Variants in ANKFY1 observed in about 807,000 individuals in gnomAD.
The protein encoded by ANKFY1 is ankyrin repeat and FYVE domain-containing protein 1.
Under a neutral mutation model 128.3 loss-of-function variants are expected in ANKFY1, and 47 were observed. That is an observed-to-expected ratio of 0.37 (90% CI 0.29 to 0.47). The LOEUF (loss-of-function observed/expected upper bound fraction) is 0.47. Ranked by LOEUF, ANKFY1 falls within the 20% of genes least tolerant of loss-of-function variation. The probability of loss-of-function intolerance (pLI) is 1.00; values close to 1 mark genes in which losing one functional copy is unlikely to be tolerated. For missense variants in ANKFY1, 1,222 were observed against 1,510.6 expected (o/e 0.81, Z 3.17); for synonymous variants, 553 against 601.6 (o/e 0.92, Z 1.18).
chr17:4,207,463 A>G (rs149750741), intron 6 of ANKFY1, among the ~76,000 whole-genome samples: 27 of 152,274 alleles, frequency 1.8e-4, no homozygotes, highest in Non-Finnish European at 3.8e-4. Flanking sequence ...TCTGCCAAAG[A>G]TCCAAATAAG....
Position 4,260,487 on chromosome 17 carries a change from G to A in ANKFY1, c.10+3445C>T, listed in dbSNP as rs565316795. On this transcript the variant is annotated intron_variant, in intron 1 of 24. Coordinates refer to ENST00000341657, the MANE Select transcript of ANKFY1 (RefSeq NM_001330063.2). Reference sequence around the variant, plus strand: ...CAAAAATTAGCCAATGTGGTGGCATGCACATCTGCACTCCCAGCTACTTGG... The same window carrying A: ...CAAAAATTAGCCAATGTGGTGGCATACACATCTGCACTCCCAGCTACTTGG... 4.2e-4 allele frequency among the ~76,000 whole-genome samples: 64 copies of A among 151,972 alleles called. 1 individual carries two copies. The South Asian group carries it at 0.011, about 27-fold the overall frequency.
chr17:4,181,244 ACT>A lies in ANKFY1; in HGVS notation c.2240+8_2240+9del. On this transcript the variant is annotated splice_region_variant and intron_variant, in intron 16 of 24. Transcript: ENST00000341657. This position sits in a 1 kb window ranked among gnomAD's most constrained non-coding sequence, Gnocchi z 4.9. ...AAAAAGCTGTGGAGAGATACTGGGG[ACT>A]CTCAGACCTGCGAATAAGAAAGCAG... The A allele has an allele frequency of 6.2e-7, 1 of 1,605,392 alleles. No individual in the cohort carries two copies. The highest frequency in any genetic ancestry group is 1.3e-5 in the African/African-American group (1 of 74,842).
In ANKFY1 at chr17:4,182,264, C is replaced by G. The variant is rs1237864605; in HGVS notation, c.2038G>C (p.Asp680His). Residue 680 changes from aspartate (D) to histidine (H), a missense_variant, in exon 15 of 25, where the codon GAC becomes CAC. By Grantham distance (81) the Asp-to-His change is moderately conservative (BLOSUM62 -1). Transcript: ENST00000341657. The stretch of plus-strand genomic sequence containing the variant: ...CCCTTCTCATCTGGCACAGACATGT[C>G]AGCTCCTCGGGTGCATATGGCATCA... ...VVDAICTRGA[D>H]MSVPDEKGNP... 6.3e-7 allele frequency: 1 copy of G among 1,594,880 alleles called. No homozygotes were observed. The highest frequency in any genetic ancestry group is 8.5e-7 in the Non-Finnish European group (1 of 1,169,956).
At chr17:4,179,899 T>TA in intron 16 of ANKFY1, 22 bp from the exon 17 acceptor site, 1 of 1,613,210 alleles carries the variant, frequency 6.2e-7, no homozygotes, top group African/African-American at 1.3e-5. Flanking sequence ...GGGGACATTT[T>TA]AAAAAACGCC....
chr17:4,254,087 C>G (rs1028433492), intron 1 of ANKFY1, among the ~76,000 whole-genome samples: 13 of 152,048 alleles, frequency 8.5e-5, no homozygotes, highest in Admixed American at 8.5e-4. Flanking sequence ...AGGCAGATCA[C>G]GAGGTCAGGA....
intron 11 of ANKFY1, chr17:4,187,133 T>C: frequency 1.4e-6 from 1 of 699,708 alleles, no homozygotes; most frequent in Non-Finnish European, 2.0e-6. Context: ...AGTATCACCC[T>C]TTTATCCCCC....
chr17:4,177,292 T>C lies in ANKFY1; in HGVS notation c.2609A>G (p.Lys870Arg). 6.3e-7 allele frequency: 1 copy of C among 1,593,110 alleles called. No homozygotes were observed. Among genetic ancestry groups the C allele is most frequent in the Non-Finnish European group, 8.5e-7 (1 of 1,169,650 alleles). Reference sequence around the variant, plus strand: ...TGCCACATGAAGGAAATTCCGGCCCTTGTTATCCACCTACAGCAACAAGTG... The same window carrying C: ...TGCCACATGAAGGAAATTCCGGCCCCTGTTATCCACCTACAGCAACAAGTG... ...ESGAAEQVDN[K>R]GRNFLHVAVQ... Residue 870 changes from lysine to arginine, a missense_variant, in exon 19 of 25, where the codon AAG becomes AGG. Transcript: ENST00000341657.
intron 4 of ANKFY1, among the ~76,000 whole-genome samples, chr17:4,211,438 AC>A (rs1240324983): frequency 6.6e-6 from 1 of 151,470 alleles, no homozygotes; most frequent in East Asian, 1.9e-4. Context: ...ATCATAGTAC[AC>A]CCCCCACACC....
At chr17:4,183,107 A>G (rs2059544936) in intron 14 of ANKFY1, among the ~76,000 whole-genome samples, 1 of 152,334 alleles carries the variant, frequency 6.6e-6, no homozygotes, top group South Asian at 2.1e-4. Context: ...TCCTGCCTCA[A>G]AGGAAAAAAA....
intron 4 of ANKFY1, among the ~76,000 whole-genome samples, chr17:4,216,362 T>C (rs1598092459): frequency 6.6e-6 from 1 of 152,260 alleles, no homozygotes; most frequent in African/African-American, 2.4e-5. Flanking sequence ...ACAGCTCCAA[T>C]AGAAAGACGC....
rs1364985790 is a variant in ANKFY1, at chr17:4,165,554, G to A, written c.*2225C>T. On this transcript the variant is annotated 3_prime_UTR_variant, in exon 25 of 25. Transcript: ENST00000341657. ...CCCAGCGAGCGTCCGCGTGGTCGGG[G>A]GGCTTCCTAAGTCTGTGGAAAGAGG... is the stretch of plus-strand genomic sequence containing the variant. 3 of 152,168 alleles carry A rather than the reference G, an allele frequency of 2.0e-5. No homozygotes were observed. Among genetic ancestry groups the A allele is most frequent in the South Asian group, 4.1e-4 (2 of 4,834 alleles). 9.4% of individuals were successfully genotyped at this position (152,168 alleles called of 1,614,324 possible).
rs757801347 is a variant in ANKFY1, at chr17:4,206,978, C to G, written c.733-492G>C. 5.3e-5 allele frequency among the ~76,000 whole-genome samples: 8 copies of G among 152,288 alleles called. 1 individual carries two copies. The highest frequency in any genetic ancestry group is 1.9e-4 in the East Asian group (1 of 5,188). On this transcript the variant is annotated intron_variant, in intron 6 of 24. Transcript: ENST00000341657. The stretch of plus-strand genomic sequence containing the variant: ...TATGGTGGGCAGAATTATCACCCCC[C>G]CCAAAGACGGACATGTCCTAATCCC...
At chr17:4,246,686 C>T (rs925170918) in intron 1 of ANKFY1, among the ~76,000 whole-genome samples, 2 of 152,206 alleles carry the variant, frequency 1.3e-5, no homozygotes, top group Admixed American at 6.5e-5. Flanking sequence ...TTTTGCTCCT[C>T]AAGACCTCCA....
At chr17:4,191,035 G>A (rs1270780433) in intron 10 of ANKFY1, among the ~76,000 whole-genome samples, 1 of 152,208 alleles carries the variant, frequency 6.6e-6, no homozygotes, top group East Asian at 1.9e-4. Context: ...CTACTCAGGA[G>A]GCTGAGGCAG....
intron 1 of ANKFY1, among the ~76,000 whole-genome samples, chr17:4,244,905 C>A (rs1967455250): frequency 6.6e-6 from 1 of 152,124 alleles, no homozygotes; most frequent in Non-Finnish European, 1.5e-5. Flanking sequence ...CCCACTTCCA[C>A]ATCACATCTG....
At chr17:4,180,671 G>C (rs1386234085) in intron 16 of ANKFY1, among the ~76,000 whole-genome samples, 1 of 147,546 alleles carries the variant, frequency 6.8e-6, no homozygotes, top group Non-Finnish European at 1.5e-5. Context: ...GCAGGAGAAT[G>C]GCGTGAACCC....
Position 4,242,311 on chromosome 17 carries a change from A to G in ANKFY1, c.148T>C (p.Phe50Leu). Residue 50 changes from phenylalanine to leucine, a missense_variant, in exon 2 of 25, where the codon TTC (phenylalanine) becomes CTC (leucine). Transcript: ENST00000341657. ...ACGATGGCCAGCAGACGGCTGATGA[A>G]GGACTCGCTGCTGCTCTCCTTGTTT... ...QANKESSSESFISRLLAIVAD... is the reference protein window; with the variant it reads ...QANKESSSESLISRLLAIVAD... The G allele has an allele frequency of 6.3e-7, 1 of 1,594,738 alleles. No individual in the cohort carries two copies. The highest frequency in any genetic ancestry group is 8.5e-7 in the Non-Finnish European group (1 of 1,173,182).
intron 6 of ANKFY1, 127 bp downstream of exon 6, chr17:4,207,806 T>C: frequency 4.1e-6 from 4 of 980,312 alleles, no homozygotes; most frequent in Non-Finnish European, 5.7e-6. Context: ...GAACAAACTA[T>C]TTAGTAGAAA....
At chr17:4,234,342 T>C (rs911096015) in intron 3 of ANKFY1, among the ~76,000 whole-genome samples, 1 of 152,136 alleles carries the variant, frequency 6.6e-6, no homozygotes, top group Non-Finnish European at 1.5e-5. Context: ...CCCCTTTTTT[T>C]CCAATAGCAG....
Sources: allele counts gnomAD v4.1 joint callset (sites outside exome capture counted in the v4.1 genomes callset), GRCh38; gene constraint gnomAD v4.1.1; non-coding constraint Gnocchi (gnomAD v3.1); transcripts MANE v1.5; gene names NCBI Gene and HGNC (gene_info 2026-07-23, HGNC 2026-07-21).